ZNF385D: variants seen among roughly 807,000 people sequenced by gnomAD.
ZNF385D encodes the protein zinc finger protein 659.
ZNF385D carries 15 observed loss-of-function variants against 35.8 expected under a neutral mutation model. That is an observed-to-expected ratio of 0.42 (90% CI 0.28 to 0.64). ZNF385D has a LOEUF of 0.64. Among genes scored for constraint, ZNF385D ranks in the 30% least tolerant of loss-of-function variants. ZNF385D has a pLI of 0.23. For synonymous variants in ZNF385D, 212 were observed against 186.8 expected (o/e 1.13, Z -1.10); for missense variants, 474 against 494.6 (o/e 0.96, Z 0.39).
Position 21,510,886 on chromosome 3 carries a change from G to A in ZNF385D, c.414C>T (p.Thr138=). 6.2e-7 allele frequency: 1 copy of A among 1,614,100 alleles called. No individual in the cohort carries two copies. The highest frequency in any genetic ancestry group is 8.5e-7 in the Non-Finnish European group (1 of 1,179,974). ...CTGTTTTGTCAGAGCTGGTATTGAT[G>A]GTATTGGTAGTGATGGAGGTGAAGG... ...KTTFTSITTN[T]INTSSDKTDG... The change falls in exon 4 of 8, where the codon ACC becomes ACT. Residue 138 remains threonine, a synonymous_variant. Coordinates refer to ENST00000281523, the MANE Select transcript of ZNF385D (RefSeq NM_024697.3).
intron 3 of ZNF385D, among the ~76,000 whole-genome samples, chr3:22,013,591 G>C (rs1696706834): frequency 1.3e-5 from 2 of 152,220 alleles, no homozygotes; most frequent in South Asian, 4.1e-4. Context: ...GCAGGCAGCA[G>C]GATTAGAAAT....
At chr3:22,324,832 A>C (rs1182015332) in intron 2 of ZNF385D, among the ~76,000 whole-genome samples, 1 of 152,204 alleles carries the variant, frequency 6.6e-6, no homozygotes, top group Non-Finnish European at 1.5e-5. Context: ...TGAGATTGAC[A>C]AAGTGGTCTT....
chr3:22,049,297 AAAAATAAAATAAAAT>A (rs148136551), intron 3 of ZNF385D, among the ~76,000 whole-genome samples: 3 of 141,486 alleles, frequency 2.1e-5, no homozygotes, highest in African/African-American at 5.2e-5. Flanking sequence ...ACTCAATCTC[AAAAATAAAATAAAAT>A]AAAATAAAAT....
intron 3 of ZNF385D, among the ~76,000 whole-genome samples, chr3:21,536,802 CAG>C (rs2062045194): frequency 6.6e-6 from 1 of 151,968 alleles, no homozygotes; most frequent in Non-Finnish European, 1.5e-5. Context: ...ATCTTAAATA[CAG>C]TGGCCAGAGT....
chr3:22,110,351 C>G (rs905437347), intron 3 of ZNF385D, among the ~76,000 whole-genome samples: 7 of 151,512 alleles, frequency 4.6e-5, no homozygotes, highest in Non-Finnish European at 1.0e-4. Context: ...ATGTTTATTG[C>G]GGCACTATTC....
chr3:22,152,262 A>G (rs759902673), intron 3 of ZNF385D, among the ~76,000 whole-genome samples: 2 of 152,106 alleles, frequency 1.3e-5, no homozygotes, highest in Non-Finnish European at 2.9e-5. Context: ...AGTATTCCCT[A>G]TCCTCTGCTC....
intron 4 of ZNF385D, among the ~76,000 whole-genome samples, chr3:21,470,381 G>T (rs1703807877): frequency 6.6e-6 from 1 of 152,084 alleles, no homozygotes. Context: ...GATGGGGTGG[G>T]TGTATTCTGC....
At chr3:21,602,740 A>G (rs1385516459) in intron 2 of ZNF385D, among the ~76,000 whole-genome samples, 1 of 150,212 alleles carries the variant, frequency 6.7e-6, no homozygotes, top group Non-Finnish European at 1.5e-5. Flanking sequence ...TCACCTTGTT[A>G]GCCAGGATGG....
chr3:22,017,657 A>C (rs1363188897), intron 3 of ZNF385D, among the ~76,000 whole-genome samples: 1 of 151,932 alleles, frequency 6.6e-6, no homozygotes, highest in Non-Finnish European at 1.5e-5. Context: ...ATCATTTTAT[A>C]ATGCTTTAAC....
chr3:21,729,902 C>G (rs933626852), intron 1 of ZNF385D, among the ~76,000 whole-genome samples: 2 of 152,160 alleles, frequency 1.3e-5, no homozygotes, highest in African/African-American at 4.8e-5. Context: ...CAGGAGCAAC[C>G]TACTCCAGAC....
At chr3:21,637,159 C>G (rs1474514595) in intron 2 of ZNF385D, among the ~76,000 whole-genome samples, 1 of 152,036 alleles carries the variant, frequency 6.6e-6, no homozygotes, top group Non-Finnish European at 1.5e-5. Context: ...GGTTCTTGGT[C>G]ATGAAGTCTT....
intron 3 of ZNF385D, among the ~76,000 whole-genome samples, chr3:21,839,883 C>G (rs1695557952): frequency 6.6e-6 from 1 of 151,992 alleles, no homozygotes; most frequent in Non-Finnish European, 1.5e-5. Context: ...CAGAAATTGC[C>G]TCCCACTGTG....
rs150702988 is a variant in ZNF385D at position 21,500,701 on chromosome 3, T to A, written c.439+10160A>T. The stretch of plus-strand genomic sequence containing the variant: ...TAATTGGGCAGGAGTTGAGAAGAAA[T>A]GTGTAAGACTGGCAAAAATGATAGG... On this transcript the variant is annotated intron_variant, in intron 4 of 7. Coordinates refer to ENST00000281523, the MANE Select transcript of ZNF385D (RefSeq NM_024697.3). 3.2e-3 allele frequency among the ~76,000 whole-genome samples: 487 copies of A among 152,246 alleles called. 1 individual carries two copies. Among genetic ancestry groups the A allele is most frequent in the Non-Finnish European group, 5.4e-3 (369 of 68,016 alleles).
At position 21,413,465 on chromosome 3, in the gene ZNF385D, C is replaced by T. The variant is rs1433489257; in HGVS notation, c.*7749G>A. ...TAGTTAAGTCAATGCTTTGCCACCC[C>T]CCAGCTTTGTTAGTTTTTGTAAAAT... On this transcript the variant is annotated 3_prime_UTR_variant, in exon 8 of 8. Coordinates refer to ENST00000281523, the MANE Select transcript of ZNF385D (RefSeq NM_024697.3). 6.6e-6 allele frequency: 1 copy of T among 152,022 alleles called. No individual in the cohort carries two copies. Among genetic ancestry groups the T allele is most frequent in the Non-Finnish European group, 1.5e-5 (1 of 67,954 alleles). 9.4% of individuals were successfully genotyped at this position (152,022 alleles called of 1,614,324 possible).
chr3:22,183,803 ATTAG>A (rs766450963), intron 2 of ZNF385D, among the ~76,000 whole-genome samples: 1 of 151,886 alleles, frequency 6.6e-6, no homozygotes, highest in Non-Finnish European at 1.5e-5. Context: ...TCTTAGAACT[ATTAG>A]TTATTTTTTC....
At chr3:22,006,900 A>G (rs1329669611) in intron 3 of ZNF385D, among the ~76,000 whole-genome samples, 1 of 152,048 alleles carries the variant, frequency 6.6e-6, no homozygotes, top group Non-Finnish European at 1.5e-5. Flanking sequence ...TGTGTTTTAT[A>G]AGTCATTTAA....
intron 3 of ZNF385D, among the ~76,000 whole-genome samples, chr3:21,555,082 C>G (rs1474330856): frequency 6.6e-6 from 1 of 152,178 alleles, no homozygotes; most frequent in Non-Finnish European, 1.5e-5. Context: ...CCGCTTGGCA[C>G]AAGAGGCCTA....
intron 4 of ZNF385D, among the ~76,000 whole-genome samples, chr3:21,466,630 A>G (rs1470624061): frequency 6.6e-6 from 1 of 152,146 alleles, no homozygotes; most frequent in Non-Finnish European, 1.5e-5. Context: ...AGAAATGGTA[A>G]TGTAGTCATC....
At chr3:22,118,171 A>C (rs1213768959) in intron 3 of ZNF385D, among the ~76,000 whole-genome samples, 3 of 152,110 alleles carry the variant, frequency 2.0e-5, no homozygotes, top group African/African-American at 7.2e-5. Flanking sequence ...TAGAATTGTG[A>C]ACTATGGAAT....
Sources: gnomAD v4.1 joint callset for allele counts (sites outside exome capture counted in the v4.1 genomes callset) on GRCh38, gnomAD v4.1.1 for gene constraint, MANE v1.5 for transcripts, NCBI Gene and HGNC (gene_info 2026-07-23, HGNC 2026-07-21) for gene names.